CSMD2: variants seen among roughly 807,000 people sequenced by gnomAD.
CSMD2 encodes CUB and sushi domain-containing protein 2.
CSMD2 carries 130 observed loss-of-function variants against 398.5 expected under a neutral mutation model. The ratio of observed to expected loss-of-function variants is 0.33; its 90% CI spans 0.28 to 0.38. The LOEUF is 0.38. Ranked by LOEUF, CSMD2 falls within the 10% of genes least tolerant of loss-of-function variation. The pLI, the probability that CSMD2 is intolerant of heterozygous loss-of-function variation, is 1.00. For missense variants in CSMD2, 3,829 were observed against 4,764.9 expected, an observed-to-expected ratio of 0.80 and a Z score of 5.78; for synonymous variants, 1,828 against 1,908.5, an observed-to-expected ratio of 0.96 and a Z score of 1.10.
rs1359367491 is a variant in CSMD2 at position 33,881,909 on chromosome 1, C to A, written c.921-34913G>T. Among the ~76,000 whole-genome samples the A allele has an allele frequency of 3.3e-5, 5 of 152,106 alleles. No homozygotes were observed. In the East Asian group the frequency reaches 9.7e-4, roughly 29 times the overall value. On this transcript the variant is annotated intron_variant, in intron 5 of 70. Coordinates refer to ENST00000373381, the MANE Select transcript of CSMD2 (RefSeq NM_001281956.2). ...AAGTTTCTGAAATTATAATTTTAAT[C>A]CCCATGTGTTGTATCAGCCACAGGT...
At chr1:33,992,989 G>C (rs2148003422) in intron 3 of CSMD2, among the ~76,000 whole-genome samples, 1 of 152,016 alleles carries the variant, frequency 6.6e-6, no homozygotes, top group East Asian at 1.9e-4. Context: ...ATGAAAAAAA[G>C]CAAGTTTCAG....
intron 3 of CSMD2, among the ~76,000 whole-genome samples, chr1:33,981,673 G>A (rs947476945): frequency 2.0e-5 from 3 of 152,198 alleles, no homozygotes; most frequent in Non-Finnish European, 1.5e-5. Flanking sequence ...TCTCATGAAG[G>A]AGACAGGTGC....
intron 25 of CSMD2, among the ~76,000 whole-genome samples, chr1:33,683,434 A>G (rs924803459): frequency 6.6e-6 from 1 of 151,982 alleles, no homozygotes; most frequent in Non-Finnish European, 1.5e-5. Context: ...CTTTTTGCTT[A>G]TTTCTTTACT....
At chr1:34,011,268 C>A (rs1647291382) in intron 3 of CSMD2, among the ~76,000 whole-genome samples, 1 of 152,168 alleles carries the variant, frequency 6.6e-6, no homozygotes. Context: ...AGAGGCTGAG[C>A]CCCAGTCTAA....
At chr1:33,774,062 G>A (rs530872097) in intron 12 of CSMD2, among the ~76,000 whole-genome samples, 8 of 151,858 alleles carry the variant, frequency 5.3e-5, no homozygotes, top group Non-Finnish European at 1.0e-4. Flanking sequence ...AAGGCTGCCA[G>A]CTTTGTGCTG....
Position 33,974,253 on chromosome 1 carries a change from A to G in CSMD2, c.518-38299T>C, listed in dbSNP as rs182768915. Among the ~76,000 whole-genome samples, 364 of 152,350 alleles carry G rather than the reference A, an allele frequency of 2.4e-3. 2 individuals are homozygous for G. The highest frequency in any genetic ancestry group is 6.8e-3 in the Middle Eastern group (2 of 294). The stretch of plus-strand genomic sequence containing the variant: ...GGACAGGTGTTGGAGACTGCTTTAT[A>G]GCAGCCTGAAGAACTGTCTGTTGGT... On this transcript the variant is annotated intron_variant, in intron 3 of 70. Coordinates refer to ENST00000373381, the MANE Select transcript of CSMD2 (RefSeq NM_001281956.2).
At chr1:33,926,196 T>C (rs1570527962) in intron 4 of CSMD2, among the ~76,000 whole-genome samples, 1 of 152,228 alleles carries the variant, frequency 6.6e-6, no homozygotes, top group East Asian at 1.9e-4. Flanking sequence ...GGCACTTGAC[T>C]AATATCTGCT....
intron 19 of CSMD2, among the ~76,000 whole-genome samples, chr1:33,718,716 A>T (rs1469758593): frequency 6.6e-6 from 1 of 152,248 alleles, no homozygotes; most frequent in Non-Finnish European, 1.5e-5. Flanking sequence ...CACACTTACA[A>T]TTTGAGAAGT....
At chr1:33,577,109 C>A (rs1012781930) in intron 49 of CSMD2, among the ~76,000 whole-genome samples, 187 bp downstream of exon 49, 3 of 152,182 alleles carry the variant, frequency 2.0e-5, no homozygotes, top group African/African-American at 7.2e-5. Flanking sequence ...GCTCACATAC[C>A]CATCTCCCCC....
At chr1:33,982,297 T>C (rs1224932315) in intron 3 of CSMD2, among the ~76,000 whole-genome samples, 3 of 151,992 alleles carry the variant, frequency 2.0e-5, no homozygotes, top group African/African-American at 4.8e-5. Context: ...ACAGGAGACA[T>C]TGAGAAACAG....
At chr1:33,862,732 A>G (rs1217158915) in intron 5 of CSMD2, 1 of 152,190 alleles carries the variant, frequency 6.6e-6, no homozygotes, top group Non-Finnish European at 1.5e-5. Context: ...CCAGTCCAGA[A>G]TGCTCAATTT....
In CSMD2 at chr1:34,165,029, G is replaced by A. The variant is rs540137875; in HGVS notation, c.69C>T (p.Thr23=). Residue 23 remains threonine, a synonymous_variant, in exon 1 of 71, where the codon ACC becomes ACT. Transcript: ENST00000373381. ...GCPAGRARGE[T]GISALVPGAG... ...CGCCCGGCACAAGCGCCGAAATCCC[G>A]GTTTCGCCGCGAGCCCTCCCCGCGG... 51 of 1,211,174 alleles carry A rather than the reference G, an allele frequency of 4.2e-5. 1 individual carries two copies. The East Asian group carries it at 1.7e-3, about 40-fold the overall frequency. The allele number at this position is 1,211,174 out of a possible 1,614,324, so 75.0% of individuals were successfully genotyped here.
At chr1:33,694,549 C>T (rs1645353355) in intron 24 of CSMD2, among the ~76,000 whole-genome samples, 1 of 152,074 alleles carries the variant, frequency 6.6e-6, no homozygotes, top group African/African-American at 2.4e-5. Context: ...TTATGAAGTT[C>T]CTCCTTCTCT....
intron 10 of CSMD2, among the ~76,000 whole-genome samples, chr1:33,799,492 T>C (rs976788680): frequency 4.6e-5 from 7 of 152,216 alleles, no homozygotes; most frequent in Admixed American, 4.6e-4. Flanking sequence ...CCATGGATAG[T>C]GGGTTACTTA....
intron 8 of CSMD2, 68 bp from the exon 9 acceptor site, chr1:33,819,905 G>A (rs1372875928): frequency 6.3e-6 from 10 of 1,591,396 alleles, no homozygotes; most frequent in Non-Finnish European, 8.6e-6. Context: ...AGTCCTTCCT[G>A]GTTCCACAAA....
chr1:33,989,676 C>A (rs1456466674), intron 3 of CSMD2, among the ~76,000 whole-genome samples: 1 of 152,116 alleles, frequency 6.6e-6, no homozygotes, highest in Non-Finnish European at 1.5e-5. Context: ...TCCTGATACA[C>A]ATGACAACAC....
At chr1:33,693,396 G>GAGAT (rs1645307999) in intron 24 of CSMD2, among the ~76,000 whole-genome samples, 1 of 152,174 alleles carries the variant, frequency 6.6e-6, no homozygotes, top group Admixed American at 6.5e-5. Flanking sequence ...AACTCACAAT[G>GAGAT]AGATATCACT....
At chr1:33,988,186 T>C (rs1646425743) in intron 3 of CSMD2, among the ~76,000 whole-genome samples, 1 of 152,172 alleles carries the variant, frequency 6.6e-6, no homozygotes, top group Non-Finnish European at 1.5e-5. Context: ...ATTAAAGAAA[T>C]GAATGAAGGA....
chr1:33,602,395 C>A lies in CSMD2; in HGVS notation c.6684G>T (p.Glu2228Asp), dbSNP rs150575122. Reference sequence around the variant, plus strand: ...AGATGGTGATGAAATCTCCAGAGGGCTCTGTCTGCAGCAGGCTGAGGTTGA... The same window carrying A: ...AGATGGTGATGAAATCTCCAGAGGGATCTGTCTGCAGCAGGCTGAGGTTGA... The part of the protein sequence containing the change: ...VRLNLSLLQT[E>D]PSGDFITIWD... The change falls in exon 43 of 71, where the codon GAG (glutamate) becomes GAT (aspartate). Residue 2228 changes from glutamate (E) to aspartate (D), a missense_variant. By Grantham distance (45) the Glu-to-Asp change is conservative (BLOSUM62 2). Around this residue, in one of 5 missense-constraint regions of CSMD2, gnomAD observed 723 missense variants for 758.6 expected, o/e 0.95. Transcript: ENST00000373381. 1.9e-6 allele frequency: 3 copies of A among 1,613,664 alleles called. No individual in the cohort carries two copies. Among genetic ancestry groups the A allele is most frequent in the Non-Finnish European group, 2.5e-6 (3 of 1,179,922 alleles).
Sources: gnomAD v4.1 joint callset for allele counts (sites outside exome capture counted in the v4.1 genomes callset) on GRCh38, gnomAD v4.1.1 for gene constraint, gnomAD v4.1.1 regional missense constraint, MANE v1.5 for transcripts, NCBI Gene and HGNC (gene_info 2026-07-23, HGNC 2026-07-21) for gene names.